The following PTPN11 variants were observed in gnomAD, a reference collection of about 807,000 sequenced individuals.
The protein encoded by PTPN11 is tyrosine-protein phosphatase non-receptor type 11.
PTPN11 carries 6 observed loss-of-function variants against 78.8 expected under a neutral mutation model. The ratio of observed to expected loss-of-function variants is 0.08; its 90% CI spans 0.04 to 0.15. The LOEUF (loss-of-function observed/expected upper bound fraction) is 0.15, where lower values mean the gene tolerates loss of function less well. Ranked by LOEUF, PTPN11 falls within the 10% of genes least tolerant of loss-of-function variation. The pLI is 1.00. For missense variants in PTPN11, 386 were observed against 744.8 expected, an observed-to-expected ratio of 0.52 and a Z score of 5.61; for synonymous variants, 221 against 263.5, an observed-to-expected ratio of 0.84 and a Z score of 1.56.
intron 6 of PTPN11, among the ~76,000 whole-genome samples, chr12:112,468,386 G>T (rs764387151): frequency 6.6e-6 from 1 of 152,180 alleles, no homozygotes; most frequent in Non-Finnish European, 1.5e-5. Flanking sequence ...TGGGGAGGAA[G>T]CGCCCTTAGC....
At chr12:112,433,892 A>G (rs1343338982) in intron 1 of PTPN11, among the ~76,000 whole-genome samples, 1 of 152,178 alleles carries the variant, frequency 6.6e-6, no homozygotes, top group Non-Finnish European at 1.5e-5. Flanking sequence ...TGGCAGGTTG[A>G]GGCTGTAGTG....
chr12:112,448,770 C>T (rs1303351390), intron 2 of PTPN11, among the ~76,000 whole-genome samples: 1 of 152,030 alleles, frequency 6.6e-6, no homozygotes, highest in African/African-American at 2.4e-5. Flanking sequence ...ATATATAATG[C>T]CTCAATGAAT....
intron 7 of PTPN11, among the ~76,000 whole-genome samples, chr12:112,473,353 C>T (rs2038448497): frequency 1.3e-5 from 2 of 152,098 alleles, no homozygotes; most frequent in African/African-American, 4.8e-5. Context: ...GTGTCAGGGA[C>T]CTTAGGGTGC....
chr12:112,450,757 G>A (rs895409782), intron 3 of PTPN11, among the ~76,000 whole-genome samples: 2 of 152,178 alleles, frequency 1.3e-5, no homozygotes, highest in African/African-American at 4.8e-5. Flanking sequence ...TACCATTCCT[G>A]CATATACTTG....
At chr12:112,432,051 A>G (rs11066297) in intron 1 of PTPN11, among the ~76,000 whole-genome samples, 2,409 of 152,332 alleles carry the variant, frequency 0.016, 65 homozygotes, top group African/African-American at 0.054. Flanking sequence ...ATGAGCAACG[A>G]CAAACTGACA....
intron 9 of PTPN11, among the ~76,000 whole-genome samples, chr12:112,480,303 A>G (rs977077403): frequency 1.3e-5 from 2 of 151,972 alleles, no homozygotes; most frequent in African/African-American, 2.4e-5. Context: ...AGGTGTTTGG[A>G]TCTACAAAAT....
At chr12:112,454,865 T>A in intron 5 of PTPN11, 185 bp downstream of exon 5, 2 of 644,308 alleles carry the variant, frequency 3.1e-6, no homozygotes, top group South Asian at 3.1e-5. Flanking sequence ...TGTCACCCAG[T>A]CTGGAGTACA....
In PTPN11 at chr12:112,474,055, C is replaced by T. The variant is rs187190214; in HGVS notation, c.853+1015C>T. On this transcript the variant is annotated intron_variant, in intron 7 of 15. Transcript: ENST00000351677. Reference sequence around the variant, plus strand: ...GCACCAGTACACCTGGTTGATTTTACAGTTTTTCTGTAGGCCGGCGCAGTG... The same window carrying T: ...GCACCAGTACACCTGGTTGATTTTATAGTTTTTCTGTAGGCCGGCGCAGTG... 2.6e-5 allele frequency among the ~76,000 whole-genome samples: 4 copies of T among 151,576 alleles called. No homozygotes were observed. The East Asian group carries it at 7.9e-4, about 30-fold the overall frequency.
At chr12:112,461,147 T>C (rs757162549) in intron 6 of PTPN11, among the ~76,000 whole-genome samples, 21 of 152,148 alleles carry the variant, frequency 1.4e-4, no homozygotes, top group Non-Finnish European at 2.6e-4. Flanking sequence ...TCCTGTTGTT[T>C]CTTCTCTGAT....
At chr12:112,449,868 C>T (rs1274653238) in intron 2 of PTPN11, among the ~76,000 whole-genome samples, 1 of 151,974 alleles carries the variant, frequency 6.6e-6, no homozygotes, top group African/African-American at 2.4e-5. Context: ...GAGTTTCAGA[C>T]CAGCCTGACC....
At chr12:112,457,597 T>C (rs1179542636) in intron 6 of PTPN11, 1 of 152,412 alleles carries the variant, frequency 6.6e-6, no homozygotes, top group African/African-American at 2.4e-5. Flanking sequence ...CACCACACTG[T>C]CTTCCACAAT....
At chr12:112,422,762 A>C (rs1027252070) in intron 1 of PTPN11, among the ~76,000 whole-genome samples, 2 of 152,218 alleles carry the variant, frequency 1.3e-5, no homozygotes, top group Non-Finnish European at 2.9e-5. Context: ...AGAGTTGCTC[A>C]AGTGCAGAGG....
At position 112,504,440 on chromosome 12, in the gene PTPN11, A is replaced by G. The variant is rs559851641; in HGVS notation, c.1713-255A>G. 6.6e-5 allele frequency among the ~76,000 whole-genome samples: 10 copies of G among 152,178 alleles called. No homozygotes were observed. The highest frequency in any genetic ancestry group is 2.0e-4 in the Admixed American group (3 of 15,284). Reference sequence around the variant, plus strand: ...AAACTCCTGACCTCGTGATCCACCCACCTGGGCCTCCCAAAGTTCTGGGAT... The same window carrying G: ...AAACTCCTGACCTCGTGATCCACCCGCCTGGGCCTCCCAAAGTTCTGGGAT... On this transcript the variant is annotated intron_variant, in intron 14 of 15. Transcript: ENST00000351677. This position sits in a 1 kb window ranked among gnomAD's most constrained non-coding sequence, Gnocchi z 4.7.
At position 112,460,596 on chromosome 12, in the gene PTPN11, C is replaced by T. The variant is rs560097679; in HGVS notation, c.756+4533C>T. ...TGGTGGCACACGGCTGTCATTCCAGCACTTTGGGAGGCTGAGGTGGGCGGA... is the reference window on the plus strand; with the variant it reads ...TGGTGGCACACGGCTGTCATTCCAGTACTTTGGGAGGCTGAGGTGGGCGGA... On this transcript the variant is annotated intron_variant, in intron 6 of 15. Transcript: ENST00000351677. Among the ~76,000 whole-genome samples the T allele has an allele frequency of 9.9e-5, 15 of 152,234 alleles. No individual in the cohort carries two copies. In the East Asian group the frequency reaches 2.3e-3, roughly 24 times the overall value.
rs886048967 is a variant in PTPN11, at chr12:112,505,830, GACTTTC to G, written c.*41_*46del. ...TTAACTTATTTCTTCCCCAGATGTGGACTTTCACCCTCTCCCTAAAAAGATCAAGAA... is the reference window on the plus strand; with the variant it reads ...TTAACTTATTTCTTCCCCAGATGTGGACCCTCTCCCTAAAAAGATCAAGAA... On this transcript the variant is annotated 3_prime_UTR_variant, in exon 16 of 16. Transcript: ENST00000351677. 6.5e-5 allele frequency: 10 copies of G among 154,080 alleles called. No homozygotes were observed. In the Admixed American group the frequency reaches 6.5e-4, roughly 10 times the overall value. 9.5% of individuals were successfully genotyped at this position (154,080 alleles called of 1,614,324 possible). A position where few individuals can be genotyped will look rare whatever the true frequency, so the allele number is the denominator to read the frequency against.
chr12:112,503,018 G>T (rs1208241088), intron 14 of PTPN11, among the ~76,000 whole-genome samples: 1 of 152,232 alleles, frequency 6.6e-6, no homozygotes, highest in African/African-American at 2.4e-5. Flanking sequence ...TCTACTTTGG[G>T]TGTTTAAACC....
intron 1 of PTPN11, among the ~76,000 whole-genome samples, chr12:112,422,423 G>A (rs1424182014): frequency 6.6e-6 from 1 of 152,146 alleles, no homozygotes; most frequent in African/African-American, 2.4e-5. Context: ...CTGCCTTTGT[G>A]AAACCAACAA....
chr12:112,459,383 C>T (rs982375740), intron 6 of PTPN11, among the ~76,000 whole-genome samples: 1 of 151,804 alleles, frequency 6.6e-6, no homozygotes, highest in African/African-American at 2.4e-5. Flanking sequence ...CAATCTTTTT[C>T]GACTCTGCCC....
chr12:112,429,726 C>T (rs916966749), intron 1 of PTPN11, among the ~76,000 whole-genome samples: 80 of 150,926 alleles, frequency 5.3e-4, no homozygotes, highest in African/African-American at 1.9e-3. Flanking sequence ...ATCGCTTGAA[C>T]CCGGGAGTGG....
Sources: gnomAD v4.1 joint callset for allele counts (sites outside exome capture counted in the v4.1 genomes callset) on GRCh38, gnomAD v4.1.1 for gene constraint, Gnocchi (gnomAD v3.1) non-coding constraint, MANE v1.5 for transcripts, NCBI Gene and HGNC (gene_info 2026-07-23, HGNC 2026-07-21) for gene names.